The following TBC1D5 variants were observed in gnomAD, a reference collection of about 807,000 sequenced individuals.
The protein encoded by TBC1D5 is TBC1 domain family, member 5.
Under a neutral mutation model 100.3 loss-of-function variants are expected in TBC1D5, and 75 were observed. That is an observed-to-expected ratio of 0.75 (90% CI 0.62 to 0.91). The LOEUF is 0.91. TBC1D5 is among the 40% of genes least tolerant of loss of function. The pLI is 0.00. For synonymous variants in TBC1D5, 323 were observed against 325.6 expected (o/e 0.99, Z 0.09); for missense variants, 910 against 942.4 (o/e 0.97, Z 0.45).
chr3:17,202,889 T>G (rs1357123324), intron 18 of TBC1D5, among the ~76,000 whole-genome samples: 1 of 152,194 alleles, frequency 6.6e-6, no homozygotes, highest in Non-Finnish European at 1.5e-5. Context: ...TGAGCCCTCA[T>G]GGAGAACCTC....
intron 3 of TBC1D5, among the ~76,000 whole-genome samples, chr3:17,455,456 G>GTATATATATGTGTATATATA (rs2095054758): frequency 2.7e-5 from 4 of 146,016 alleles, no homozygotes; most frequent in African/African-American, 7.7e-5. Context: ...ATATATGTGT[G>GTATATATATGTGTATATATA]TGTATATATA....
intron 19 of TBC1D5, 85 bp from the exon 21 acceptor site, chr3:17,167,913 G>A: frequency 3.1e-6 from 3 of 959,916 alleles, no homozygotes; most frequent in Non-Finnish European, 4.6e-6. Flanking sequence ...ACGGGCTTGG[G>A]AAGTTTTCTG....
At chr3:17,177,091 G>C (rs2067844100) in intron 19 of TBC1D5, among the ~76,000 whole-genome samples, 3 of 152,190 alleles carry the variant, frequency 2.0e-5, no homozygotes, top group Non-Finnish European at 4.4e-5. Flanking sequence ...TACCAAAGAT[G>C]ATGGACTTGG....
intron 15 of TBC1D5, among the ~76,000 whole-genome samples, chr3:17,263,118 G>C (rs1025694193): frequency 5.1e-5 from 7 of 136,426 alleles, no homozygotes; most frequent in African/African-American, 1.8e-4. Context: ...GAGGCAGGAG[G>C]ATCACTTGAA....
chr3:17,288,089 T>C (rs1226251826), intron 15 of TBC1D5, among the ~76,000 whole-genome samples: 1 of 152,228 alleles, frequency 6.6e-6, no homozygotes, highest in Non-Finnish European at 1.5e-5. Context: ...ATAGAAAACA[T>C]TTAAAGCACT....
intron 3 of TBC1D5, among the ~76,000 whole-genome samples, chr3:17,485,295 T>C (rs990939485): frequency 1.3e-5 from 2 of 150,732 alleles, no homozygotes; most frequent in African/African-American, 2.5e-5. Context: ...AAAATTTTAT[T>C]TTATTTTATT....
intron 1 of TBC1D5, among the ~76,000 whole-genome samples, chr3:17,683,575 C>T (rs1262359498): frequency 6.6e-6 from 1 of 152,122 alleles, no homozygotes; most frequent in South Asian, 2.1e-4. Flanking sequence ...TACCAGTACT[C>T]TCTAAAAAAA....
At chr3:17,506,924 G>T (rs573024169) in intron 3 of TBC1D5, among the ~76,000 whole-genome samples, 1 of 152,168 alleles carries the variant, frequency 6.6e-6, no homozygotes, top group African/African-American at 2.4e-5. Flanking sequence ...GCTGAGGCAG[G>T]AGAATGGCGT....
chr3:17,628,816 C>T (rs2063272339), intron 1 of TBC1D5, among the ~76,000 whole-genome samples: 1 of 152,148 alleles, frequency 6.6e-6, no homozygotes, highest in South Asian at 2.1e-4. Flanking sequence ...CAGATATGTT[C>T]TTAAAAATGC....
chr3:17,452,813 G>A (rs376351572), intron 3 of TBC1D5, among the ~76,000 whole-genome samples: 2 of 151,896 alleles, frequency 1.3e-5, no homozygotes, highest in East Asian at 1.9e-4. Flanking sequence ...AGAACAAATG[G>A]ACTCAACAGA....
At chr3:17,247,780 A>G (rs2149236465) in intron 16 of TBC1D5, among the ~76,000 whole-genome samples, 1 of 152,304 alleles carries the variant, frequency 6.6e-6, no homozygotes, top group African/African-American at 2.4e-5. Flanking sequence ...TAATATTTTA[A>G]ATGCTTTGCT....
intron 18 of TBC1D5, among the ~76,000 whole-genome samples, chr3:17,188,593 C>G (rs1414248224): frequency 1.3e-5 from 2 of 152,184 alleles, no homozygotes; most frequent in Non-Finnish European, 2.9e-5. Flanking sequence ...CTAAACCCTT[C>G]AACTATCACT....
At chr3:17,305,566 G>A (rs971268195) in intron 14 of TBC1D5, among the ~76,000 whole-genome samples, 1 of 152,056 alleles carries the variant, frequency 6.6e-6, no homozygotes, top group African/African-American at 2.4e-5. Context: ...CCTTGACACT[G>A]ACATTTAACT....
chr3:17,173,871 CAG>C (rs946621902), intron 19 of TBC1D5, among the ~76,000 whole-genome samples: 3 of 152,116 alleles, frequency 2.0e-5, no homozygotes, highest in Non-Finnish European at 4.4e-5. Context: ...GGCCATTAGT[CAG>C]AGAGAGGGGC....
At chr3:17,395,429 A>C (rs531874914) in intron 8 of TBC1D5, among the ~76,000 whole-genome samples, 1 of 152,282 alleles carries the variant, frequency 6.6e-6, no homozygotes, top group East Asian at 1.9e-4. Context: ...AAATTAAAAA[A>C]ATAAATACAA....
intron 1 of TBC1D5, among the ~76,000 whole-genome samples, chr3:17,689,244 ACACT>A (rs1384749613): frequency 1.3e-5 from 2 of 152,184 alleles, no homozygotes; most frequent in African/African-American, 4.8e-5. Flanking sequence ...AATGCGTTAG[ACACT>A]CACAACAAAG....
intron 17 of TBC1D5, among the ~76,000 whole-genome samples, chr3:17,216,827 T>C (rs368923207): frequency 5.3e-5 from 8 of 152,142 alleles, no homozygotes; most frequent in African/African-American, 1.7e-4. Context: ...CACTTATATG[T>C]GAATACACTT....
intron 1 of TBC1D5, among the ~76,000 whole-genome samples, chr3:17,667,054 TAGA>T (rs1417032764): frequency 6.6e-6 from 1 of 152,178 alleles, no homozygotes; most frequent in Non-Finnish European, 1.5e-5. Context: ...AAAATCATTG[TAGA>T]AGTACAGTCA....
chr3:17,273,412 C>T (rs1432395063), intron 15 of TBC1D5, among the ~76,000 whole-genome samples: 3 of 152,162 alleles, frequency 2.0e-5, no homozygotes, highest in Non-Finnish European at 4.4e-5. Context: ...GTCTGTAATT[C>T]TGGTCCAGAT....
Sources: allele counts gnomAD v4.1 joint callset (sites outside exome capture counted in the v4.1 genomes callset), GRCh38; gene constraint gnomAD v4.1.1; transcripts MANE v1.5; gene names NCBI Gene and HGNC (gene_info 2026-07-23, HGNC 2026-07-21).